Variants in EFEMP1 observed in about 807,000 individuals in gnomAD.
The protein encoded by EFEMP1 is EGF-containing fibulin-like extracellular matrix protein 1.
A neutral mutation model predicts 65.7 loss-of-function variants in EFEMP1; 18 were observed. The observed-to-expected ratio is 0.27, with a 90% CI of 0.19 to 0.41. The LOEUF (loss-of-function observed/expected upper bound fraction) is 0.41, where lower values mean the gene tolerates loss of function less well. EFEMP1 is among the 10% of genes least tolerant of loss of function. The pLI is 1.00. For synonymous variants in EFEMP1, 237 were observed against 219.7 expected (o/e 1.08, Z -0.70); for missense variants, 469 against 624.8 (o/e 0.75, Z 2.66).
intron 3 of EFEMP1, 120 bp from the exon 4 acceptor site, chr2:55,918,387 A>G: frequency 8.8e-7 from 1 of 1,132,928 alleles, no homozygotes; most frequent in Non-Finnish European, 1.3e-6. Context: ...AGTCCTAGAT[A>G]TATGATGAGA....
At chr2:55,872,844 G>A (rs1305850111) in intron 9 of EFEMP1, among the ~76,000 whole-genome samples, 1 of 152,052 alleles carries the variant, frequency 6.6e-6, no homozygotes, top group Non-Finnish European at 1.5e-5. Context: ...GAATAAAGAT[G>A]CTGTTTAGGT....
At chr2:55,920,579 G>T (rs1339418297) in intron 3 of EFEMP1, among the ~76,000 whole-genome samples, 1 of 152,190 alleles carries the variant, frequency 6.6e-6, no homozygotes, top group Non-Finnish European at 1.5e-5. Context: ...GGCAAAAATG[G>T]CAGTTCACTT....
At position 55,871,739 on chromosome 2, in the gene EFEMP1, A is replaced by T. The variant is rs1389025200; in HGVS notation, c.1001-616T>A. ...ACTTGGGAGAAAGGTAAAGGCTAGA[A>T]ATCTGGTTTCAGTAAGCTGAAGCAT... On this transcript the variant is annotated intron_variant, in intron 9 of 11. Transcript: ENST00000355426. This position sits in a 1 kb window ranked among gnomAD's most constrained non-coding sequence, Gnocchi z 4.2. Among the ~76,000 whole-genome samples, 1 of 152,074 alleles carries T rather than the reference A, an allele frequency of 6.6e-6. No individual in the cohort carries two copies. The highest frequency in any genetic ancestry group is 1.5e-5 in the Non-Finnish European group (1 of 67,994).
rs1449780727 is a variant in EFEMP1 at position 55,867,133 on chromosome 2, C to T, written c.1422G>A (p.Gly474=). 3 of 1,613,710 alleles carry T rather than the reference C, an allele frequency of 1.9e-6. No individual in the cohort carries two copies. Among genetic ancestry groups the T allele is most frequent in the East Asian group, 2.2e-5 (1 of 44,890 alleles). ...TTAACACAGAGCTTGTGCGGAAGGT[C>T]CCTATACTGCTGACTGTCAGCATCT... ...DLEMLTVSSI[G]TFRTSSVLRL... Residue 474 remains glycine (G), a synonymous_variant, in exon 12 of 12, where the codon GGG becomes GGA. Coordinates refer to ENST00000355426, the MANE Select transcript of EFEMP1 (RefSeq NM_001039348.3). The surrounding 1 kb of genome is among the most constrained non-coding windows in gnomAD (Gnocchi z 4.3).
chr2:55,894,901 T>C (rs1669757396), intron 5 of EFEMP1, among the ~76,000 whole-genome samples: 1 of 152,202 alleles, frequency 6.6e-6, no homozygotes, highest in South Asian at 2.1e-4. Flanking sequence ...TTCTCTGTTG[T>C]CATCCTAGCC....
chr2:55,904,874 T>C (rs1457666135), intron 5 of EFEMP1, among the ~76,000 whole-genome samples: 1 of 152,090 alleles, frequency 6.6e-6, no homozygotes, highest in African/African-American at 2.4e-5. Flanking sequence ...ATGTATCCTA[T>C]TGGGTCTGTT....
chr2:55,911,524 T>C (rs1670482579), intron 5 of EFEMP1, among the ~76,000 whole-genome samples: 3 of 152,022 alleles, frequency 2.0e-5, no homozygotes, highest in Admixed American at 1.3e-4. Context: ...AATTGTCTTA[T>C]TATAACAATA....
At chr2:55,906,651 A>G (rs1292429017) in intron 5 of EFEMP1, among the ~76,000 whole-genome samples, 2 of 152,204 alleles carry the variant, frequency 1.3e-5, no homozygotes, top group African/African-American at 2.4e-5. Context: ...CTTTTACTGC[A>G]AAGTTTAATT....
At chr2:55,876,551 T>C in intron 8 of EFEMP1, 72 bp downstream of exon 8, 1 of 1,585,362 alleles carries the variant, frequency 6.3e-7, no homozygotes, top group South Asian at 1.1e-5. Context: ...CATAAATGGG[T>C]ACATAATCAG....
In EFEMP1 at chr2:55,870,279, A is replaced by G. The variant is rs959026609; in HGVS notation, c.1320+441T>C. Among the ~76,000 whole-genome samples, 4 of 144,802 alleles carry G rather than the reference A, an allele frequency of 2.8e-5. No homozygotes were observed. The highest frequency in any genetic ancestry group is 1.0e-4 in the African/African-American group (4 of 38,894). 95.0% of individuals were successfully genotyped at this position (144,802 alleles called of 152,430 possible). A position where few individuals can be genotyped will look rare whatever the true frequency, so the allele number is the denominator to read the frequency against. On this transcript the variant is annotated intron_variant, in intron 11 of 11. Transcript: ENST00000355426. This position sits in a 1 kb window ranked among gnomAD's most constrained non-coding sequence, Gnocchi z 5.8. Reference sequence around the variant, plus strand: ...GAAAAACTCTTTAGGAGCTCCAGGAATTATTTTGGGTTTGAATTATATGTA... The same window carrying G: ...GAAAAACTCTTTAGGAGCTCCAGGAGTTATTTTGGGTTTGAATTATATGTA...
chr2:55,917,814 G>A lies in EFEMP1; in HGVS notation c.368C>T (p.Ala123Val), dbSNP rs1474389310. The A allele has an allele frequency of 6.2e-7, 1 of 1,614,216 alleles. No individual in the cohort carries two copies. The highest frequency in any genetic ancestry group is 1.7e-5 in the Admixed American group (1 of 60,028). Residue 123 changes from alanine (A) to valine (V), a missense_variant, in exon 5 of 12, where the codon GCT becomes GTT. This residue lies in a region of EFEMP1 where 399 missense variants were observed against 528.2 expected (regional missense o/e 0.76). Coordinates refer to ENST00000355426, the MANE Select transcript of EFEMP1 (RefSeq NM_001039348.3). The surrounding 1 kb of genome is among the most constrained non-coding windows in gnomAD (Gnocchi z 6.3). The stretch of plus-strand genomic sequence containing the variant: ...CTGCATTTCAGGGCCTGCGACTGCA[G>A]CAGCACTGGCCACAAAACCACCCCC... Reference protein sequence around the residue: ...LPGGGFVASAAAVAGPEMQTG... With the variant: ...LPGGGFVASAVAVAGPEMQTG...
At chr2:55,878,287 C>T (rs1265253430) in intron 6 of EFEMP1, among the ~76,000 whole-genome samples, 2 of 152,288 alleles carry the variant, frequency 1.3e-5, no homozygotes, top group Non-Finnish European at 1.5e-5. Flanking sequence ...AAGTCACTTA[C>T]GCCTTCAGTA....
At chr2:55,902,687 T>C (rs758216241) in intron 5 of EFEMP1, among the ~76,000 whole-genome samples, 6 of 152,202 alleles carry the variant, frequency 3.9e-5, no homozygotes, top group Non-Finnish European at 8.8e-5. Flanking sequence ...TGAACTGTTT[T>C]GTCAATAAAG....
rs114962141 is a variant in EFEMP1 at position 55,920,937 on chromosome 2, C to A, written c.81+1423G>T. Among the ~76,000 whole-genome samples the A allele has an allele frequency of 4.7e-3, 710 of 152,270 alleles. 3 individuals are homozygous for A. The highest frequency in any genetic ancestry group is 0.016 in the African/African-American group (671 of 41,536). ...ATCTTAGCACAAAAGGGTAACATAT[C>A]TGGAAAATTTGTTACAATAATAATG... On this transcript the variant is annotated intron_variant, in intron 3 of 11. Transcript: ENST00000355426.
Position 55,876,546 on chromosome 2 carries a change from A to C in EFEMP1, c.880+77T>G, listed in dbSNP as rs965805869. 4.5e-6 allele frequency: 7 copies of C among 1,571,082 alleles called. No homozygotes were observed. In the African/African-American group the frequency reaches 9.5e-5, roughly 21 times the overall value. On this transcript the variant is annotated intron_variant, in intron 8 of 11. Coordinates refer to ENST00000355426, the MANE Select transcript of EFEMP1 (RefSeq NM_001039348.3). ...CATGGGTAAGCGTTTGTTTTCATAA[A>C]TGGGTACATAATCAGATAAAACAAC... is the stretch of plus-strand genomic sequence containing the variant.
chr2:55,880,103 G>A (rs1038589047), intron 6 of EFEMP1, among the ~76,000 whole-genome samples: 1 of 152,128 alleles, frequency 6.6e-6, no homozygotes, highest in Admixed American at 6.5e-5. Flanking sequence ...GTGGGGAACT[G>A]GTGGAATAAA....
chr2:55,922,550 T>C lies in EFEMP1; in HGVS notation c.-7-103A>G. The C allele has an allele frequency of 9.5e-7, 1 of 1,054,134 alleles. No individual in the cohort carries two copies. The highest frequency in any genetic ancestry group is 1.5e-6 in the Non-Finnish European group (1 of 688,862). 65.3% of individuals were successfully genotyped at this position (1,054,134 alleles called of 1,614,324 possible). Reference sequence around the variant, plus strand: ...GCGAGGAAAGGAGGGTGGGAGAGGCTGAGGCTCCACCATACTCAACTTCCA... The same window carrying C: ...GCGAGGAAAGGAGGGTGGGAGAGGCCGAGGCTCCACCATACTCAACTTCCA... On this transcript the variant is annotated intron_variant, in intron 2 of 11. Coordinates refer to ENST00000355426, the MANE Select transcript of EFEMP1 (RefSeq NM_001039348.3). This position sits in a 1 kb window ranked among gnomAD's most constrained non-coding sequence, Gnocchi z 5.5.
Position 55,922,367 on chromosome 2 carries a change from G to A in EFEMP1, c.74C>T (p.Thr25Met). ...VKSQDTEETI[T>M]YTQCTDGYEW... ...AATTCCATCACCCCTTACCGTGTACGTGATGGTTTCTTCGGTGTCCTGTGA... is the reference window on the plus strand; with the variant it reads ...AATTCCATCACCCCTTACCGTGTACATGATGGTTTCTTCGGTGTCCTGTGA... Residue 25 changes from threonine (T) to methionine (M), a missense_variant, in exon 3 of 12, where the codon ACG becomes ATG. By Grantham distance (81) the Thr-to-Met change is moderately conservative (BLOSUM62 -1). Coordinates refer to ENST00000355426, the MANE Select transcript of EFEMP1 (RefSeq NM_001039348.3). This position sits in a 1 kb window ranked among gnomAD's most constrained non-coding sequence, Gnocchi z 5.5. 6.2e-7 allele frequency: 1 copy of A among 1,613,806 alleles called. No individual in the cohort carries two copies. The highest frequency in any genetic ancestry group is 8.5e-7 in the Non-Finnish European group (1 of 1,179,756).
In EFEMP1 at chr2:55,870,200, C is replaced by T. The variant is rs573953559; in HGVS notation, c.1320+520G>A. 3.2e-4 allele frequency among the ~76,000 whole-genome samples: 49 copies of T among 152,122 alleles called. No individual in the cohort carries two copies. Among genetic ancestry groups the T allele is most frequent in the African/African-American group, 1.0e-3 (43 of 41,500 alleles). On this transcript the variant is annotated intron_variant, in intron 11 of 11. Transcript: ENST00000355426. The surrounding 1 kb of genome is among the most constrained non-coding windows in gnomAD (Gnocchi z 5.8). ...CTCACATACTTATAGGTTTTAGTTT[C>T]GGTGTGAACACAAACTGTCTTGTGA...
Sources: gnomAD v4.1 joint callset for allele counts (sites outside exome capture counted in the v4.1 genomes callset) on GRCh38, gnomAD v4.1.1 for gene constraint, gnomAD v4.1.1 regional missense constraint, Gnocchi (gnomAD v3.1) non-coding constraint, MANE v1.5 for transcripts, NCBI Gene and HGNC (gene_info 2026-07-23, HGNC 2026-07-21) for gene names.